The following MAD1L1 variants were observed in gnomAD, a reference collection of about 807,000 sequenced individuals.
MAD1L1 encodes mitotic arrest deficient 1 like 1, also known as mitotic spindle assembly checkpoint protein MAD1.
In MAD1L1, 95 loss-of-function variants were observed where a neutral mutation model predicts 96.9. That is an observed-to-expected ratio of 0.98 (90% CI 0.83 to 1.16). MAD1L1 has a LOEUF of 1.16. Among genes scored for constraint, MAD1L1 ranks in the 50% most tolerant of loss-of-function variants. The probability of loss-of-function intolerance (pLI) is 0.00; values close to 1 mark genes in which losing one functional copy is unlikely to be tolerated. For synonymous variants in MAD1L1, 473 were observed against 396.6 expected (o/e 1.19, Z -2.29); for missense variants, 1,007 against 954.4 (o/e 1.06, Z -0.73).
At chr7:2,221,029 C>A (rs1475384808) in intron 5 of MAD1L1, 2 of 1,611,294 alleles carry the variant, frequency 1.2e-6, no homozygotes, top group Non-Finnish European at 1.7e-6. Flanking sequence ...GACCCTGTGA[C>A]AGGAGAAGGC....
chr7:1,974,451 GAC>G (rs1445793206), intron 15 of MAD1L1, among the ~76,000 whole-genome samples: 1 of 152,156 alleles, frequency 6.6e-6, no homozygotes. Flanking sequence ...TAACATCAAA[GAC>G]ACAGTGACCC....
rs560069815 is a variant in MAD1L1, at chr7:2,203,873, A to G, written c.986+9339T>C. 2.0e-5 allele frequency among the ~76,000 whole-genome samples: 3 copies of G among 152,330 alleles called. No homozygotes were observed. The South Asian group carries it at 6.2e-4, about 32-fold the overall frequency. ...ACGCCCTGCTGCCCACCTCCGGGGCAATCAGTTCTATTCTGGAACAGCCCC... is the reference window on the plus strand; with the variant it reads ...ACGCCCTGCTGCCCACCTCCGGGGCGATCAGTTCTATTCTGGAACAGCCCC... On this transcript the variant is annotated intron_variant, in intron 10 of 18. Coordinates refer to ENST00000265854, the MANE Select transcript of MAD1L1 (RefSeq NM_001013836.2).
At chr7:1,859,714 C>T (rs888172587) in intron 18 of MAD1L1, among the ~76,000 whole-genome samples, 5 of 152,074 alleles carry the variant, frequency 3.3e-5, no homozygotes, top group Non-Finnish European at 7.4e-5. Context: ...CTGCAGGGCT[C>T]CCTCTGTTCC....
intron 16 of MAD1L1, among the ~76,000 whole-genome samples, chr7:1,941,685 T>C (rs1008577735): frequency 2.0e-5 from 3 of 152,160 alleles, no homozygotes; most frequent in African/African-American, 4.8e-5. Flanking sequence ...TCGGCGCAGG[T>C]TCCCGTGGCC....
chr7:2,107,946 G>A (rs139655953), intron 11 of MAD1L1, among the ~76,000 whole-genome samples: 86 of 152,180 alleles, frequency 5.7e-4, no homozygotes, highest in Non-Finnish European at 1.0e-3. Context: ...CTCCACAGAA[G>A]AGTCCAGGCA....
chr7:1,900,559 A>G, intron 17 of MAD1L1, among the ~76,000 whole-genome samples: 1 of 152,180 alleles, frequency 6.6e-6, no homozygotes, highest in East Asian at 1.9e-4. Context: ...CTGAAGGCTA[A>G]TTGGCAGCTC....
intron 14 of MAD1L1, among the ~76,000 whole-genome samples, chr7:1,987,449 C>T (rs774876201): frequency 6.6e-4 from 100 of 152,294 alleles, no homozygotes; most frequent in Non-Finnish European, 1.3e-3. Context: ...CTAAGTATCC[C>T]GGATGAAGCG....
intron 10 of MAD1L1, among the ~76,000 whole-genome samples, chr7:2,186,786 C>T (rs1466130001): frequency 6.6e-6 from 1 of 150,514 alleles, no homozygotes; most frequent in African/African-American, 2.5e-5. Flanking sequence ...AAACTATTTT[C>T]TTTTTCTTTT....
intron 17 of MAD1L1, among the ~76,000 whole-genome samples, chr7:1,931,904 T>C (rs903211500): frequency 4.6e-5 from 7 of 152,236 alleles, no homozygotes; most frequent in African/African-American, 1.7e-4. Context: ...GCCAGCTGTC[T>C]ACACAGGTGC....
intron 15 of MAD1L1, among the ~76,000 whole-genome samples, chr7:1,966,372 T>C (rs7790374): frequency 0.98 from 149,679 of 152,206 alleles, 73,637 homozygotes; most frequent in Middle Eastern, 1. Flanking sequence ...TTCCAGCTGC[T>C]GGGGCTGAGG....
At chr7:2,065,905 C>T (rs1422368533) in intron 12 of MAD1L1, among the ~76,000 whole-genome samples, 1 of 152,260 alleles carries the variant, frequency 6.6e-6, no homozygotes, top group East Asian at 1.9e-4. Flanking sequence ...CACTGATATT[C>T]CAGAAACAAG....
At chr7:1,903,596 T>C (rs1787414934) in intron 17 of MAD1L1, among the ~76,000 whole-genome samples, 1 of 143,620 alleles carries the variant, frequency 7.0e-6, no homozygotes, top group Non-Finnish European at 1.5e-5. Flanking sequence ...GAGCACGCAG[T>C]GGCCTATTGA....
At chr7:2,120,561 C>T (rs1382039606) in intron 11 of MAD1L1, among the ~76,000 whole-genome samples, 1 of 152,270 alleles carries the variant, frequency 6.6e-6, no homozygotes, top group Admixed American at 6.5e-5. Context: ...TTCTGCCAGA[C>T]TCCCCGTGCC....
chr7:1,986,114 G>A (rs1184753794), intron 14 of MAD1L1, among the ~76,000 whole-genome samples: 1 of 152,200 alleles, frequency 6.6e-6, no homozygotes, highest in Non-Finnish European at 1.5e-5. Flanking sequence ...TCACAGTGGG[G>A]AAGGACAGGC....
At chr7:2,137,352 C>T (rs760980499) in intron 11 of MAD1L1, among the ~76,000 whole-genome samples, 8 of 152,238 alleles carry the variant, frequency 5.3e-5, no homozygotes, top group Non-Finnish European at 7.3e-5. Context: ...ACAGAACTGA[C>T]CCAAGCACCC....
intron 15 of MAD1L1, among the ~76,000 whole-genome samples, chr7:1,974,867 G>A (rs1780563548): frequency 6.6e-6 from 1 of 152,254 alleles, no homozygotes. Context: ...CAGGGGACCA[G>A]GGGAGGTGGG....
intron 18 of MAD1L1, among the ~76,000 whole-genome samples, chr7:1,896,660 G>C (rs1207739198): frequency 6.6e-6 from 1 of 152,228 alleles, no homozygotes; most frequent in Non-Finnish European, 1.5e-5. Flanking sequence ...GATGACGAGT[G>C]GCTTGCTTCC....
At chr7:1,845,235 G>T (rs1312802769) in intron 18 of MAD1L1, 1 of 152,280 alleles carries the variant, frequency 6.6e-6, no homozygotes, top group African/African-American at 2.4e-5. Context: ...GCTTTCCTGA[G>T]GCTGACGCAG....
chr7:2,023,985 T>C (rs1165950279), intron 12 of MAD1L1, among the ~76,000 whole-genome samples: 1 of 150,020 alleles, frequency 6.7e-6, no homozygotes, highest in East Asian at 2.0e-4. Flanking sequence ...TAAAACAAAA[T>C]AAATAATAAA....
Sources: allele counts gnomAD v4.1 joint callset (sites outside exome capture counted in the v4.1 genomes callset), GRCh38; gene constraint gnomAD v4.1.1; transcripts MANE v1.5; gene names NCBI Gene and HGNC (gene_info 2026-07-23, HGNC 2026-07-21).